The following LMF1 variants were observed in gnomAD, a reference collection of about 807,000 sequenced individuals.
The protein encoded by LMF1 is lipase maturation factor 1, also known as transmembrane protein 112.
Under a neutral mutation model 60.6 loss-of-function variants are expected in LMF1, and 68 were observed. That is an observed-to-expected ratio of 1.12 (90% CI 0.92 to 1.37). LMF1 has a LOEUF of 1.37. Ranked by LOEUF, LMF1 falls within the 40% of genes most tolerant of loss-of-function variation. The pLI, the probability that LMF1 is intolerant of heterozygous loss-of-function variation, is 0.00. For missense variants in LMF1, 948 were observed against 767.2 expected (o/e 1.24, Z -2.78); for synonymous variants, 418 against 324.7 (o/e 1.29, Z -3.09).
intron 4 of LMF1, among the ~76,000 whole-genome samples, chr16:909,615 C>T (rs550612067): frequency 1.3e-5 from 2 of 152,308 alleles, no homozygotes; most frequent in African/African-American, 2.4e-5. Flanking sequence ...CACGCTACAC[C>T]GAGCCACACT....
chr16:926,053 C>T (rs2071587671), intron 3 of LMF1, among the ~76,000 whole-genome samples: 1 of 151,628 alleles, frequency 6.6e-6, no homozygotes, highest in South Asian at 2.1e-4. Flanking sequence ...CATGTGTGCA[C>T]ACGTTTGCAT....
At chr16:911,133 A>G (rs776241184) in intron 3 of LMF1, 54 bp from the exon 4 acceptor site, 6 of 1,569,616 alleles carry the variant, frequency 3.8e-6, no homozygotes, top group Non-Finnish European at 5.2e-6. Context: ...ACATTTCACA[A>G]AGAAATCATT....
At chr16:901,399 C>A (rs538927651) in intron 4 of LMF1, 1 of 152,382 alleles carries the variant, frequency 6.6e-6, no homozygotes, top group South Asian at 2.1e-4. Flanking sequence ...GGATCTGCTG[C>A]GTGCTGGCCA....
intron 2 of LMF1, among the ~76,000 whole-genome samples, chr16:938,323 GGTGGCTCGCGGGGACA>G (rs60468209): frequency 0.48 from 72,143 of 151,554 alleles, 18,784 homozygotes; most frequent in African/African-American, 0.7. Context: ...AGGGCTGGAT[GGTGGCTCGCGGGGACA>G]GCAGGGACGG....
At chr16:934,503 TA>T in intron 2 of LMF1, 1 of 527,160 alleles carries the variant, frequency 1.9e-6, no homozygotes, top group East Asian at 3.1e-5. Context: ...CCCATAGAAA[TA>T]AAAAAATATG....
chr16:920,397 C>G (rs113555616), intron 3 of LMF1, among the ~76,000 whole-genome samples: 31 of 152,346 alleles, frequency 2.0e-4, no homozygotes, highest in African/African-American at 6.5e-4. Flanking sequence ...GAGAGCTGAG[C>G]AGAGACACAG....
chr16:980,302 TG>T, intron 1 of LMF1: 1 of 156,850 alleles, frequency 6.4e-6, no homozygotes, highest in Non-Finnish European at 1.4e-5. Context: ...GGGCGGCCGC[TG>T]GGGGCACCAG....
intron 1 of LMF1, among the ~76,000 whole-genome samples, chr16:969,438 CT>C (rs1317838797): frequency 6.6e-6 from 1 of 152,230 alleles, no homozygotes; most frequent in East Asian, 1.9e-4. Flanking sequence ...CGTCTCATCA[CT>C]TTGCACCAGG....
intron 3 of LMF1, among the ~76,000 whole-genome samples, chr16:927,156 A>C (rs2071633775): frequency 6.6e-6 from 1 of 152,232 alleles, no homozygotes; most frequent in South Asian, 2.1e-4. Flanking sequence ...GAAGTGGCAG[A>C]AGCTGCTCAA....
chr16:864,871 C>T (rs1312682041), intron 10 of LMF1, among the ~76,000 whole-genome samples: 1 of 152,082 alleles, frequency 6.6e-6, no homozygotes, highest in Non-Finnish European at 1.5e-5. Context: ...GATACACCTG[C>T]CTCAGCTCCC....
intron 3 of LMF1, among the ~76,000 whole-genome samples, chr16:911,876 A>T (rs2071132319): frequency 6.6e-6 from 1 of 152,098 alleles, no homozygotes; most frequent in South Asian, 2.1e-4. Flanking sequence ...ATAAGGCAGC[A>T]GCTCCGCCAC....
rs553009870 is a variant in LMF1, at chr16:875,386, G to C, written c.898-4045C>G. ...TGGTCCAATTCTCATCTAACCCCCT[G>C]GCCAGGTTCCTGCGTTCTGAATAAA... On this transcript the variant is annotated intron_variant, in intron 6 of 10. Coordinates refer to ENST00000262301, the MANE Select transcript of LMF1 (RefSeq NM_022773.4). Among the ~76,000 whole-genome samples, 7 of 152,196 alleles carry C rather than the reference G, an allele frequency of 4.6e-5. No homozygotes were observed. The South Asian group carries it at 1.5e-3, about 32-fold the overall frequency.
At chr16:935,556 T>G (rs896263108) in intron 2 of LMF1, among the ~76,000 whole-genome samples, 32 of 142,894 alleles carry the variant, frequency 2.2e-4, no homozygotes, top group African/African-American at 8.8e-4. Context: ...CTAACACTAG[T>G]GACAGCTGAT....
intron 2 of LMF1, among the ~76,000 whole-genome samples, chr16:936,955 G>A (rs1228301435): frequency 6.6e-6 from 1 of 152,174 alleles, no homozygotes; most frequent in East Asian, 1.9e-4. Flanking sequence ...GGGCGACAGG[G>A]CGGGAGATCC....
chr16:970,733 G>A (rs540608712), intron 1 of LMF1, 55 bp downstream of exon 1: 975 of 1,451,864 alleles, frequency 6.7e-4, no homozygotes, highest in South Asian at 7.8e-4. Flanking sequence ...GAGGGCGGGG[G>A]TCGTGGTGCG....
rs774248480 is a variant in LMF1 at position 871,282 on chromosome 16, G to T, written c.957C>A (p.Ser319Arg). ...GGGTGGCGTCATCAAAGCAGGCCAG[G>T]CTGGGCACCATAGTCAGCCAGTTCA... ...SFLNWLTMVP[S>R]LACFDDATLG... The change falls in exon 7 of 11, where the codon AGC (serine) becomes AGA (arginine). Residue 319 changes from serine (S) to arginine (R), a missense_variant. Transcript: ENST00000262301. The T allele has an allele frequency of 1.2e-6, 2 of 1,612,582 alleles. No homozygotes were observed. Among genetic ancestry groups the T allele is most frequent in the Non-Finnish European group, 1.7e-6 (2 of 1,179,816 alleles).
intron 5 of LMF1, among the ~76,000 whole-genome samples, chr16:888,339 G>A (rs899062016): frequency 1.3e-5 from 2 of 152,212 alleles, no homozygotes; most frequent in African/African-American, 2.4e-5. Flanking sequence ...CAGCTTTCTA[G>A]CAACAGAGTT....
At chr16:932,445 A>G (rs2071816789) in intron 3 of LMF1, among the ~76,000 whole-genome samples, 1 of 152,090 alleles carries the variant, frequency 6.6e-6, no homozygotes, top group Non-Finnish European at 1.5e-5. Context: ...TGCCTCACGG[A>G]CTCGATTTTG....
At chr16:892,465 C>T (rs1391235021) in intron 5 of LMF1, among the ~76,000 whole-genome samples, 13 of 152,212 alleles carry the variant, frequency 8.5e-5, no homozygotes, top group Admixed American at 7.8e-4. Flanking sequence ...CACTCCCAGC[C>T]CCCATGTGAA....
Sources: gnomAD v4.1 joint callset for allele counts (sites outside exome capture counted in the v4.1 genomes callset) on GRCh38, gnomAD v4.1.1 for gene constraint, MANE v1.5 for transcripts, NCBI Gene and HGNC (gene_info 2026-07-23, HGNC 2026-07-21) for gene names.